The following MANBA variants were observed in gnomAD, a reference collection of about 807,000 sequenced individuals.
The protein encoded by MANBA is beta-mannosidase.
In MANBA, 83 loss-of-function variants were observed where a neutral mutation model predicts 111.1. That is an observed-to-expected ratio of 0.75 (90% CI 0.63 to 0.90). MANBA has a LOEUF of 0.90. Ranked by LOEUF, MANBA falls within the 40% of genes least tolerant of loss-of-function variation. MANBA has a pLI of 0.00. For missense variants in MANBA, 1,036 were observed against 1,069.0 expected (o/e 0.97, Z 0.43); for synonymous variants, 370 against 378.7 (o/e 0.98, Z 0.27).
intron 4 of MANBA, among the ~76,000 whole-genome samples, chr4:102,721,641 A>G (rs1024159219): frequency 3.9e-5 from 6 of 152,256 alleles, no homozygotes; most frequent in Admixed American, 1.3e-4. Flanking sequence ...AATCATGAGG[A>G]AATTATGCTA....
chr4:102,725,077 A>C (rs1722741812), intron 2 of MANBA, among the ~76,000 whole-genome samples: 1 of 152,118 alleles, frequency 6.6e-6, no homozygotes, highest in African/African-American at 2.4e-5. Context: ...CTGGGGTAAG[A>C]ATTCAGGGGC....
chr4:102,738,534 C>G (rs546358592), intron 1 of MANBA, among the ~76,000 whole-genome samples: 76 of 152,338 alleles, frequency 5.0e-4, no homozygotes, highest in Non-Finnish European at 1.1e-3. Flanking sequence ...CAGAAATCCC[C>G]GTCCCTAGGG....
In MANBA at chr4:102,650,591, G is replaced by C; in HGVS notation, c.1815C>G (p.Leu605=). Residue 605 remains leucine (L), a synonymous_variant, in exon 13 of 17, where the codon CTC becomes CTG. Coordinates refer to ENST00000647097, the MANE Select transcript of MANBA (RefSeq NM_005908.4). The part of the protein sequence containing the change: ...MLYQAGLHFK[L]PQSTDPLRTF... ...TGCGTAATGGATCTGTGCTTTGGGG[G>C]AGTTTGAAATGAAGTCCAGCCTGAT... 1 of 1,613,516 alleles carries C rather than the reference G, an allele frequency of 6.2e-7. No individual in the cohort carries two copies. The highest frequency in any genetic ancestry group is 8.5e-7 in the Non-Finnish European group (1 of 1,179,476).
At chr4:102,707,721 G>A (rs571818459) in intron 5 of MANBA, among the ~76,000 whole-genome samples, 1 of 152,132 alleles carries the variant, frequency 6.6e-6, no homozygotes, top group South Asian at 2.1e-4. Context: ...TTGACTGACA[G>A]GATTTTTTAA....
At chr4:102,718,696 C>T (rs1722444287) in intron 4 of MANBA, among the ~76,000 whole-genome samples, 1 of 152,158 alleles carries the variant, frequency 6.6e-6, no homozygotes, top group Admixed American at 6.5e-5. Flanking sequence ...TCAGGGGAAC[C>T]AGCCCCCAAT....
rs1333871057 is a variant in MANBA at position 102,714,378 on chromosome 4, A to T, written c.673+60T>A. On this transcript the variant is annotated intron_variant, in intron 5 of 16. Coordinates refer to ENST00000647097, the MANE Select transcript of MANBA (RefSeq NM_005908.4). ...AACATACCTCTGTATTTCAATTATAAACCCAATTTTTATAACAAGAAGACT... is the reference window on the plus strand; with the variant it reads ...AACATACCTCTGTATTTCAATTATATACCCAATTTTTATAACAAGAAGACT... 3 of 1,502,660 alleles carry T rather than the reference A, an allele frequency of 2.0e-6. No individual in the cohort carries two copies. The African/African-American group carries it at 4.2e-5, about 21-fold the overall frequency. The allele number at this position is 1,502,660 out of a possible 1,614,324, so 93.1% of individuals were successfully genotyped here.
At chr4:102,686,206 G>T (rs1430568305) in intron 7 of MANBA, among the ~76,000 whole-genome samples, 1 of 151,962 alleles carries the variant, frequency 6.6e-6, no homozygotes, top group Non-Finnish European at 1.5e-5. Flanking sequence ...GTGTGTGTGT[G>T]TGTGTCTACC....
intron 1 of MANBA, among the ~76,000 whole-genome samples, chr4:102,757,361 A>C (rs1724067969): frequency 6.6e-6 from 1 of 152,120 alleles, no homozygotes; most frequent in South Asian, 2.1e-4. Flanking sequence ...TGAAGGAATA[A>C]CTTTTCACAG....
rs41276945 is a variant in MANBA at position 102,674,132 on chromosome 4, A to T, written c.961-62T>A. On this transcript the variant is annotated intron_variant, in intron 7 of 16. Transcript: ENST00000647097. ...TAAACATAAGCAAAATAGTTTTTTTAAAAAAAGCAGACCTTTTTGAAAAAC... is the reference window on the plus strand; with the variant it reads ...TAAACATAAGCAAAATAGTTTTTTTTAAAAAAGCAGACCTTTTTGAAAAAC... 0.022 allele frequency: 29,720 copies of T among 1,341,260 alleles called. 1,763 individuals are homozygous for T. The highest frequency in any genetic ancestry group is 0.21 in the African/African-American group (14,238 of 67,360). 83.1% of individuals were successfully genotyped at this position (1,341,260 alleles called of 1,614,324 possible).
chr4:102,655,973 C>T (rs1204036102), intron 12 of MANBA, among the ~76,000 whole-genome samples: 1 of 152,072 alleles, frequency 6.6e-6, no homozygotes, highest in African/African-American at 2.4e-5. Context: ...AATGATCAGG[C>T]CATGCATAGT....
At position 102,707,568 on chromosome 4, in the gene MANBA, C is replaced by CAA. The variant is rs1235045359; in HGVS notation, c.673+6869_673+6870insTT. On this transcript the variant is annotated intron_variant, in intron 5 of 16. Transcript: ENST00000647097. Reference sequence around the variant, plus strand: ...TTAACACTACAGAAAAACACCAAACCACAGTGATAAACAATAATAGAAACA... The same window carrying CAA: ...TTAACACTACAGAAAAACACCAAACCAAACAGTGATAAACAATAATAGAAACA... Among the ~76,000 whole-genome samples the CAA allele has an allele frequency of 3.3e-5, 5 of 152,066 alleles. No homozygotes were observed. In the East Asian group the frequency reaches 5.8e-4, roughly 18 times the overall value.
chr4:102,741,893 C>A (rs1560809398), intron 1 of MANBA, among the ~76,000 whole-genome samples: 1 of 152,146 alleles, frequency 6.6e-6, no homozygotes, highest in Non-Finnish European at 1.5e-5. Context: ...TACCAAACAG[C>A]ACCTCAGGAG....
chr4:102,699,389 A>G (rs1732901027), intron 5 of MANBA, among the ~76,000 whole-genome samples: 1 of 151,892 alleles, frequency 6.6e-6, no homozygotes, highest in South Asian at 2.1e-4. Flanking sequence ...AACTTCCAAC[A>G]CTATGTTGAA....
chr4:102,633,262 T>A, intron 16 of MANBA: 1 of 398,628 alleles, frequency 2.5e-6, no homozygotes, highest in African/African-American at 2.1e-5. Flanking sequence ...GCCCAGCTGT[T>A]CCAGTGAAGG....
chr4:102,652,706 C>T (rs228631), intron 12 of MANBA, among the ~76,000 whole-genome samples: 60,435 of 151,884 alleles, frequency 0.4, 13,529 homozygotes, highest in South Asian at 0.5. Flanking sequence ...GCCTGGACAA[C>T]GTAGTGAGAC....
At position 102,641,197 on chromosome 4, in the gene MANBA, A is replaced by G. The variant is rs144029603; in HGVS notation, c.1870-1340T>C. Among the ~76,000 whole-genome samples the G allele has an allele frequency of 2.2e-3, 330 of 152,334 alleles. 2 individuals are homozygous for G. The highest frequency in any genetic ancestry group is 7.6e-3 in the African/African-American group (317 of 41,574). On this transcript the variant is annotated intron_variant, in intron 13 of 16. Coordinates refer to ENST00000647097, the MANE Select transcript of MANBA (RefSeq NM_005908.4). Reference sequence around the variant, plus strand: ...AAAGAGAGAGGGCAGAACCTTCCAGAGAGGACAATACACCATTGGAGGAGG... The same window carrying G: ...AAAGAGAGAGGGCAGAACCTTCCAGGGAGGACAATACACCATTGGAGGAGG...
rs189589021 is a variant in MANBA at position 102,648,105 on chromosome 4, G to A, written c.1869+2432C>T. Among the ~76,000 whole-genome samples, 3 of 152,066 alleles carry A rather than the reference G, an allele frequency of 2.0e-5. No individual in the cohort carries two copies. The East Asian group carries it at 5.8e-4, about 29-fold the overall frequency. ...TAATGGAGTCTTAAGTGTGGTCACA[G>A]GTTCATGAACTAAAATAGGCAAATG... On this transcript the variant is annotated intron_variant, in intron 13 of 16. Coordinates refer to ENST00000647097, the MANE Select transcript of MANBA (RefSeq NM_005908.4).
At chr4:102,689,217 C>T (rs1017788841) in intron 7 of MANBA, among the ~76,000 whole-genome samples, 6 of 151,772 alleles carry the variant, frequency 4.0e-5, no homozygotes, top group South Asian at 2.1e-4. Flanking sequence ...GGCGTGGTGG[C>T]GGGTGCCTGT....
At chr4:102,687,935 T>C (rs540804887) in intron 7 of MANBA, among the ~76,000 whole-genome samples, 1 of 152,124 alleles carries the variant, frequency 6.6e-6, no homozygotes, top group Admixed American at 6.5e-5. Flanking sequence ...TTCACACACA[T>C]GCATTAACTC....
Sources: gnomAD v4.1 joint callset for allele counts (sites outside exome capture counted in the v4.1 genomes callset) on GRCh38, gnomAD v4.1.1 for gene constraint, MANE v1.5 for transcripts, NCBI Gene and HGNC (gene_info 2026-07-23, HGNC 2026-07-21) for gene names.